The following GRIN2B variants were observed in gnomAD, a reference collection of about 807,000 sequenced individuals.
GRIN2B encodes glutamate ionotropic receptor NMDA type subunit 2B, also known as glutamate receptor ionotropic, NMDA 2B.
GRIN2B carries 5 observed loss-of-function variants against 114.5 expected under a neutral mutation model. That is an observed-to-expected ratio of 0.04 (90% CI 0.02 to 0.09). The LOEUF (loss-of-function observed/expected upper bound fraction) is 0.09. Ranked by LOEUF, GRIN2B falls within the 10% of genes least tolerant of loss-of-function variation. The pLI, the probability that GRIN2B is intolerant of heterozygous loss-of-function variation, is 1.00. For missense variants in GRIN2B, 1,108 were observed against 1,943.5 expected, an observed-to-expected ratio of 0.57 and a Z score of 8.08; for synonymous variants, 787 against 745.1, an observed-to-expected ratio of 1.06 and a Z score of -0.92.
intron 3 of GRIN2B, among the ~76,000 whole-genome samples, chr12:13,827,960 G>A (rs575489933): frequency 1.2e-4 from 19 of 152,298 alleles, no homozygotes; most frequent in African/African-American, 2.2e-4. Context: ...GATTCCAGGC[G>A]TGAGCCACCG....
At chr12:13,925,047 A>G (rs1324245528) in intron 2 of GRIN2B, among the ~76,000 whole-genome samples, 1 of 152,230 alleles carries the variant, frequency 6.6e-6, no homozygotes, top group Non-Finnish European at 1.5e-5. Flanking sequence ...CTGTGCTTTA[A>G]CAATACATAA....
intron 3 of GRIN2B, among the ~76,000 whole-genome samples, chr12:13,835,569 G>A (rs937062731): frequency 4.6e-5 from 7 of 152,006 alleles, no homozygotes; most frequent in South Asian, 2.1e-4. Context: ...AGAAGGCCAC[G>A]GAAATGGCAG....
chr12:13,651,877 C>T (rs1377574312), intron 5 of GRIN2B, among the ~76,000 whole-genome samples: 1 of 152,056 alleles, frequency 6.6e-6, no homozygotes, highest in East Asian at 1.9e-4. Context: ...GTTTCCTCAT[C>T]TATAAAACTA....
intron 4 of GRIN2B, among the ~76,000 whole-genome samples, chr12:13,717,549 C>T (rs899676676): frequency 6.6e-6 from 1 of 151,892 alleles, no homozygotes; most frequent in African/African-American, 2.4e-5. Context: ...TACAATAGGG[C>T]TCCTGGCACA....
At chr12:13,919,757 C>A (rs768488605) in intron 2 of GRIN2B, among the ~76,000 whole-genome samples, 4 of 152,034 alleles carry the variant, frequency 2.6e-5, no homozygotes, top group Non-Finnish European at 5.9e-5. Flanking sequence ...ATGCGGGGAT[C>A]GTCTCCCTGG....
intron 3 of GRIN2B, among the ~76,000 whole-genome samples, chr12:13,845,567 C>T (rs553214109): frequency 6.6e-6 from 1 of 152,256 alleles, no homozygotes; most frequent in Admixed American, 6.5e-5. Context: ...AGGCCAGCTC[C>T]AGGAGAGAAT....
At chr12:13,792,621 G>A (rs2136666194) in intron 3 of GRIN2B, among the ~76,000 whole-genome samples, 1 of 152,322 alleles carries the variant, frequency 6.6e-6, no homozygotes, top group African/African-American at 2.4e-5. Flanking sequence ...TGAGGAAGGT[G>A]ACTAGTGGGA....
intron 3 of GRIN2B, among the ~76,000 whole-genome samples, chr12:13,846,961 A>C (rs1319163747): frequency 4.6e-5 from 7 of 152,156 alleles, no homozygotes; most frequent in Non-Finnish European, 1.0e-4. Context: ...GTGCAGGCAG[A>C]GGAAGGTTAA....
rs767991427 is a variant in GRIN2B at position 13,753,826 on chromosome 12, G to A, written c.501C>T (p.Tyr167=). 3 of 1,613,476 alleles carry A rather than the reference G, an allele frequency of 1.9e-6. No homozygotes were observed. In the Admixed American group the frequency reaches 5.0e-5, roughly 27 times the overall value. ...MLNIMEEYDW[Y]IFSIVTTYFP... The stretch of plus-strand genomic sequence containing the variant: ...AATAGGTGGTGACGATAGAAAAGAT[G>A]TACCAGTCATATTCTTCCATGATGT... The change falls in exon 4 of 14, where the codon TAC becomes TAT. Residue 167 remains tyrosine (Y), a synonymous_variant. Transcript: ENST00000609686. This position sits in a 1 kb window ranked among gnomAD's most constrained non-coding sequence, Gnocchi z 6.2.
At chr12:13,651,687 C>G (rs576693466) in intron 5 of GRIN2B, among the ~76,000 whole-genome samples, 12 of 152,214 alleles carry the variant, frequency 7.9e-5, no homozygotes, top group Admixed American at 5.9e-4. Flanking sequence ...GAACCCTTCT[C>G]TACCTGTCTC....
chr12:13,915,583 C>T (rs181286786), intron 2 of GRIN2B, among the ~76,000 whole-genome samples: 15 of 152,332 alleles, frequency 9.8e-5, no homozygotes, highest in African/African-American at 3.6e-4. Context: ...CCACAGTGTC[C>T]ATTATAGCTG....
intron 4 of GRIN2B, among the ~76,000 whole-genome samples, chr12:13,695,649 C>T (rs1950253248): frequency 6.6e-6 from 1 of 152,100 alleles, no homozygotes; most frequent in South Asian, 2.1e-4. Flanking sequence ...AGGCTGAAAA[C>T]AGGGCCAATT....
intron 4 of GRIN2B, among the ~76,000 whole-genome samples, chr12:13,715,419 A>G (rs1462611618): frequency 6.6e-6 from 1 of 151,922 alleles, no homozygotes; most frequent in Non-Finnish European, 1.5e-5. Context: ...GTTCTTAACA[A>G]TATAAGGTTT....
At chr12:13,681,750 T>C (rs1950133248) in intron 4 of GRIN2B, among the ~76,000 whole-genome samples, 1 of 152,174 alleles carries the variant, frequency 6.6e-6, no homozygotes, top group Admixed American at 6.6e-5. Context: ...GGGATACATA[T>C]AGATAGTAAA....
chr12:13,734,402 C>T (rs114214578), intron 4 of GRIN2B, among the ~76,000 whole-genome samples: 1,750 of 152,230 alleles, frequency 0.011, 36 homozygotes, highest in African/African-American at 0.04. Context: ...CTTCCAAGTA[C>T]GTTACTGATT....
chr12:13,904,044 C>T (rs1201078427), intron 2 of GRIN2B, among the ~76,000 whole-genome samples: 3 of 151,900 alleles, frequency 2.0e-5, no homozygotes, highest in Non-Finnish European at 1.5e-5. Context: ...TGTATAGTCA[C>T]TCAGTACCAT....
intron 3 of GRIN2B, among the ~76,000 whole-genome samples, chr12:13,830,985 T>A (rs543723748): frequency 1.3e-5 from 2 of 152,320 alleles, no homozygotes; most frequent in African/African-American, 4.8e-5. Context: ...TGGAGGTGGA[T>A]CTCTCATGAA....
chr12:13,913,526 C>G (rs1024166705), intron 2 of GRIN2B, among the ~76,000 whole-genome samples: 16 of 152,222 alleles, frequency 1.1e-4, no homozygotes, highest in Non-Finnish European at 2.1e-4. Context: ...CACTTCATCC[C>G]TCTGGGCCTC....
intron 4 of GRIN2B, among the ~76,000 whole-genome samples, chr12:13,731,761 T>A (rs1279387223): frequency 6.6e-6 from 1 of 152,192 alleles, no homozygotes; most frequent in East Asian, 1.9e-4. Flanking sequence ...CTGGCCCTCA[T>A]CACCTCACAT....
Sources: gnomAD v4.1 joint callset for allele counts (sites outside exome capture counted in the v4.1 genomes callset) on GRCh38, gnomAD v4.1.1 for gene constraint, Gnocchi (gnomAD v3.1) non-coding constraint, MANE v1.5 for transcripts, NCBI Gene and HGNC (gene_info 2026-07-23, HGNC 2026-07-21) for gene names.